Variants in GRID2 observed in about 807,000 individuals in gnomAD.
The protein encoded by GRID2 is glutamate receptor ionotropic, delta-2.
A neutral mutation model predicts 114.8 loss-of-function variants in GRID2; 33 were observed. The observed-to-expected ratio is 0.29, with a 90% confidence interval of 0.22 to 0.38. GRID2 has a LOEUF of 0.38. Among genes scored for constraint, GRID2 ranks in the 10% least tolerant of loss-of-function variants. GRID2 has a pLI of 1.00. For missense variants in GRID2, 1,184 were observed against 1,257.7 expected, an observed-to-expected ratio of 0.94 and a Z score of 0.89; for synonymous variants, 505 against 449.9, an observed-to-expected ratio of 1.12 and a Z score of -1.55.
At chr4:93,246,512 G>A (rs1016849406) in intron 8 of GRID2, among the ~76,000 whole-genome samples, 1 of 151,436 alleles carries the variant, frequency 6.6e-6, no homozygotes, top group Non-Finnish European at 1.5e-5. Flanking sequence ...GCGTGAACCT[G>A]GGAGGCAGAG....
chr4:92,805,415 C>A (rs1228048144), intron 2 of GRID2, among the ~76,000 whole-genome samples: 1 of 151,926 alleles, frequency 6.6e-6, no homozygotes, highest in Admixed American at 6.6e-5. Flanking sequence ...TTGGGAAATA[C>A]AACATCCTTC....
At chr4:93,071,728 T>A (rs1728822470) in intron 2 of GRID2, among the ~76,000 whole-genome samples, 1 of 152,174 alleles carries the variant, frequency 6.6e-6, no homozygotes. Flanking sequence ...GAGTTTGGGT[T>A]ATATTCATGG....
intron 2 of GRID2, among the ~76,000 whole-genome samples, chr4:92,789,734 A>T (rs1739489366): frequency 6.6e-6 from 1 of 151,934 alleles, no homozygotes; most frequent in Admixed American, 6.6e-5. Context: ...TAAGTACAAT[A>T]TTTGATGTCC....
intron 4 of GRID2, among the ~76,000 whole-genome samples, chr4:93,186,526 A>G (rs1740437716): frequency 6.6e-6 from 1 of 152,296 alleles, no homozygotes; most frequent in South Asian, 2.1e-4. Context: ...AAAACTAATA[A>G]TGTAATATAG....
chr4:92,339,073 C>T (rs1727340925), intron 1 of GRID2, among the ~76,000 whole-genome samples: 1 of 152,060 alleles, frequency 6.6e-6, no homozygotes, highest in African/African-American at 2.4e-5. Flanking sequence ...ATACCTTCCT[C>T]TAAAATACCT....
At chr4:93,483,618 CA>C (rs768887697) in intron 11 of GRID2, among the ~76,000 whole-genome samples, 2 of 151,938 alleles carry the variant, frequency 1.3e-5, no homozygotes, top group Non-Finnish European at 2.9e-5. Flanking sequence ...TCAAATTTCC[CA>C]AACTTGCCTG....
intron 2 of GRID2, among the ~76,000 whole-genome samples, chr4:92,993,226 T>A (rs1290423815): frequency 1.3e-5 from 2 of 151,560 alleles, no homozygotes; most frequent in Admixed American, 1.3e-4. Context: ...AGATGATTGG[T>A]ATAAAATTCA....
chr4:93,513,766 T>C (rs1729426475), intron 12 of GRID2, among the ~76,000 whole-genome samples: 1 of 152,192 alleles, frequency 6.6e-6, no homozygotes, highest in Non-Finnish European at 1.5e-5. Context: ...TGCTGAAAGT[T>C]ACTATTAGAA....
chr4:93,789,585 TCC>T (rs1195325858), intron 1 of GRID2, among the ~76,000 whole-genome samples: 1 of 152,188 alleles, frequency 6.6e-6, no homozygotes, highest in Non-Finnish European at 1.5e-5. Flanking sequence ...TCCTTTTTAT[TCC>T]CCATAAAGCA....
At chr4:93,161,637 C>T (rs1737690650) in intron 4 of GRID2, among the ~76,000 whole-genome samples, 1 of 151,704 alleles carries the variant, frequency 6.6e-6, no homozygotes, top group Non-Finnish European at 1.5e-5. Context: ...AAGCACCAGA[C>T]TCAACACTAA....
chr4:93,607,320 T>C (rs1229091248), intron 13 of GRID2, among the ~76,000 whole-genome samples: 1 of 152,168 alleles, frequency 6.6e-6, no homozygotes, highest in African/African-American at 2.4e-5. Flanking sequence ...ATACTTTCTG[T>C]GTCTTGCTTT....
At chr4:93,518,556 T>C (rs993415373) in intron 13 of GRID2, among the ~76,000 whole-genome samples, 2 of 152,104 alleles carry the variant, frequency 1.3e-5, no homozygotes, top group Non-Finnish European at 1.5e-5. Flanking sequence ...AATGCCTTCA[T>C]GGAGTTTGCA....
intron 14 of GRID2, among the ~76,000 whole-genome samples, chr4:93,667,556 T>C (rs1315678378): frequency 6.6e-6 from 1 of 151,988 alleles, no homozygotes; most frequent in Non-Finnish European, 1.5e-5. Flanking sequence ...ATGGGTTTCA[T>C]GGAGAGCAGT....
intron 1 of GRID2, among the ~76,000 whole-genome samples, chr4:92,421,035 C>G (rs1051274815): frequency 2.0e-5 from 3 of 151,828 alleles, no homozygotes; most frequent in Admixed American, 1.3e-4. Flanking sequence ...TACTACACAA[C>G]TTAAAAGGTA....
intron 2 of GRID2, among the ~76,000 whole-genome samples, chr4:93,020,993 A>C (rs1670374932): frequency 6.6e-6 from 1 of 151,726 alleles, no homozygotes; most frequent in African/African-American, 2.4e-5. Flanking sequence ...TCATCGTGCC[A>C]TTGCATTCCA....
At chr4:92,727,104 C>A (rs561755140) in intron 2 of GRID2, among the ~76,000 whole-genome samples, 1 of 152,054 alleles carries the variant, frequency 6.6e-6, no homozygotes, top group African/African-American at 2.4e-5. Context: ...ATCTGAATTT[C>A]TCTCCAATTA....
intron 2 of GRID2, among the ~76,000 whole-genome samples, chr4:92,672,638 A>G (rs1386836434): frequency 6.6e-6 from 1 of 152,106 alleles, no homozygotes; most frequent in Non-Finnish European, 1.5e-5. Context: ...TTAGTCTAAC[A>G]TATTGCCATT....
chr4:92,458,820 C>T (rs1384524075), intron 1 of GRID2, among the ~76,000 whole-genome samples: 4 of 152,010 alleles, frequency 2.6e-5, no homozygotes, highest in Non-Finnish European at 4.4e-5. Flanking sequence ...AAAATCTATT[C>T]GGAAAATATC....
chr4:93,149,339 G>T (rs944037086), intron 4 of GRID2, among the ~76,000 whole-genome samples: 1 of 151,972 alleles, frequency 6.6e-6, no homozygotes, highest in African/African-American at 2.4e-5. Flanking sequence ...TTTGGGAGGC[G>T]GAGGCAGGTG....
Sources: allele counts gnomAD v4.1 joint callset (sites outside exome capture counted in the v4.1 genomes callset), GRCh38; gene constraint gnomAD v4.1.1; transcripts MANE v1.5; gene names NCBI Gene and HGNC (gene_info 2026-07-23, HGNC 2026-07-21).